The following MACROD2 variants were observed in gnomAD, a reference collection of about 807,000 sequenced individuals.
MACROD2 encodes ADP-ribose glycohydrolase MACROD2.
Under a neutral mutation model 70.4 loss-of-function variants are expected in MACROD2, and 36 were observed. The ratio of observed to expected loss-of-function variants is 0.51; its 90% CI spans 0.39 to 0.68. The LOEUF (loss-of-function observed/expected upper bound fraction) is 0.68. MACROD2 is among the 30% of genes least tolerant of loss of function. The pLI, the probability that MACROD2 is intolerant of heterozygous loss-of-function variation, is 0.00. For missense variants in MACROD2, 496 were observed against 538.4 expected (o/e 0.92, Z 0.78); for synonymous variants, 172 against 178.8 (o/e 0.96, Z 0.30).
At chr20:15,818,464 T>A (rs2063900768) in intron 8 of MACROD2, among the ~76,000 whole-genome samples, 1 of 152,174 alleles carries the variant, frequency 6.6e-6, no homozygotes, top group South Asian at 2.1e-4. Flanking sequence ...TCTTTTAGGA[T>A]GCTAATGTAT....
chr20:14,410,342 C>T (rs904284288), intron 3 of MACROD2, among the ~76,000 whole-genome samples: 1 of 151,450 alleles, frequency 6.6e-6, no homozygotes, highest in African/African-American at 2.4e-5. Flanking sequence ...AGGTAGTGAG[C>T]ATAGTACCCT....
chr20:15,006,427 A>T (rs2075038187), intron 5 of MACROD2, among the ~76,000 whole-genome samples: 1 of 152,068 alleles, frequency 6.6e-6, no homozygotes, highest in African/African-American at 2.4e-5. Context: ...GACCTAATTT[A>T]TAGCATGGTG....
intron 3 of MACROD2, chr20:14,327,610 A>G: frequency 4.8e-6 from 6 of 1,259,082 alleles, no homozygotes; most frequent in Non-Finnish European, 6.4e-6. Flanking sequence ...CAGCATACTG[A>G]ATATAATGTT....
At chr20:15,987,015 A>G (rs764254518) in intron 14 of MACROD2, 51 bp from the exon 15 acceptor site, 2 of 1,473,938 alleles carry the variant, frequency 1.4e-6, no homozygotes, top group African/African-American at 1.4e-5. Flanking sequence ...TATTCTCTCA[A>G]TGATTCCAAC....
intron 10 of MACROD2, among the ~76,000 whole-genome samples, chr20:15,908,480 T>C (rs79211311): frequency 6.6e-6 from 1 of 152,168 alleles, no homozygotes; most frequent in Non-Finnish European, 1.5e-5. Context: ...TTTTAAAATA[T>C]CCCATATTAA....
chr20:14,784,253 C>A (rs200450829), intron 5 of MACROD2, among the ~76,000 whole-genome samples: 1 of 152,246 alleles, frequency 6.6e-6, no homozygotes, highest in South Asian at 2.1e-4. Flanking sequence ...CTTCTAGCCA[C>A]ATATGTCTGC....
chr20:14,850,306 C>T (rs1291741858), intron 5 of MACROD2: 1 of 163,526 alleles, frequency 6.1e-6, no homozygotes, highest in Non-Finnish European at 1.3e-5. Context: ...GAGGAATGTT[C>T]ATAAAGATAT....
intron 6 of MACROD2, among the ~76,000 whole-genome samples, chr20:15,404,713 C>G (rs904171208): frequency 6.6e-6 from 1 of 152,216 alleles, no homozygotes; most frequent in African/African-American, 2.4e-5. Flanking sequence ...AACCCACAGT[C>G]TTCCTTTCTC....
chr20:15,329,002 T>C (rs963174312), intron 6 of MACROD2, among the ~76,000 whole-genome samples: 2 of 152,098 alleles, frequency 1.3e-5, no homozygotes, highest in Non-Finnish European at 2.9e-5. Flanking sequence ...GGTAAAACAC[T>C]ATACACCATT....
At chr20:15,387,888 G>A (rs1377336215) in intron 6 of MACROD2, among the ~76,000 whole-genome samples, 2 of 151,768 alleles carry the variant, frequency 1.3e-5, no homozygotes. Context: ...GACTACAGGT[G>A]CATGCCACCA....
intron 7 of MACROD2, among the ~76,000 whole-genome samples, chr20:15,472,317 C>T (rs1326065831): frequency 6.6e-6 from 1 of 152,084 alleles, no homozygotes; most frequent in South Asian, 2.1e-4. Context: ...CCTAGCTAAT[C>T]TTCTTCCTTT....
At chr20:14,024,345 T>A (rs1222933023) in intron 2 of MACROD2, among the ~76,000 whole-genome samples, 1 of 152,212 alleles carries the variant, frequency 6.6e-6, no homozygotes. Context: ...ACAGAGACAA[T>A]TTGACTTCCT....
At chr20:14,303,054 G>A (rs2082489851) in intron 3 of MACROD2, among the ~76,000 whole-genome samples, 1 of 152,172 alleles carries the variant, frequency 6.6e-6, no homozygotes. Context: ...TGATTCCAAA[G>A]TTCCTTCCTC....
At chr20:15,195,106 T>C (rs2076596825) in intron 5 of MACROD2, among the ~76,000 whole-genome samples, 1 of 152,158 alleles carries the variant, frequency 6.6e-6, no homozygotes, top group African/African-American at 2.4e-5. Flanking sequence ...AAGACTTAAA[T>C]GTAAAACCCA....
intron 3 of MACROD2, among the ~76,000 whole-genome samples, chr20:14,331,566 A>G (rs1244555379): frequency 6.6e-6 from 1 of 151,978 alleles, no homozygotes; most frequent in Non-Finnish European, 1.5e-5. Flanking sequence ...AGAGAAGGAT[A>G]CTCTTTCGGA....
At chr20:15,912,334 T>A (rs2147269557) in intron 10 of MACROD2, among the ~76,000 whole-genome samples, 1 of 152,338 alleles carries the variant, frequency 6.6e-6, no homozygotes, top group East Asian at 1.9e-4. Context: ...ACGTTGGGTC[T>A]CATCATCTGC....
chr20:16,004,004 G>A (rs566895362), intron 15 of MACROD2, among the ~76,000 whole-genome samples: 9 of 152,206 alleles, frequency 5.9e-5, no homozygotes, highest in Admixed American at 4.6e-4. Context: ...CCAGGTGATG[G>A]TGGTACTGCT....
At chr20:15,924,275 T>TA (rs1013667040) in intron 10 of MACROD2, among the ~76,000 whole-genome samples, 1 of 152,200 alleles carries the variant, frequency 6.6e-6, no homozygotes, top group Non-Finnish European at 1.5e-5. Context: ...GATATATGTG[T>TA]ATTGAATTAT....
At chr20:15,562,680 T>C (rs185106084) in intron 8 of MACROD2, among the ~76,000 whole-genome samples, 1 of 152,334 alleles carries the variant, frequency 6.6e-6, no homozygotes, top group Admixed American at 6.5e-5. Context: ...ACTTAGGGCA[T>C]GCTTTAATGA....
Sources: gnomAD v4.1 joint callset for allele counts (sites outside exome capture counted in the v4.1 genomes callset) on GRCh38, gnomAD v4.1.1 for gene constraint, MANE v1.5 for transcripts, NCBI Gene and HGNC (gene_info 2026-07-23, HGNC 2026-07-21) for gene names.